Variants in IQCM observed in about 807,000 individuals in gnomAD.
IQCM encodes IQ motif containing M.
IQCM carries 45 observed loss-of-function variants against 57.6 expected under a neutral mutation model. That is an observed-to-expected ratio of 0.78 (90% confidence interval 0.62 to 1.00). The LOEUF (loss-of-function observed/expected upper bound fraction) is 1.00, where lower values mean the gene tolerates loss of function less well. Ranked by LOEUF, IQCM falls within the 50% of genes least tolerant of loss-of-function variation. The pLI is 0.00. For synonymous variants in IQCM, 148 were observed against 158.9 expected (o/e 0.93, Z 0.51); for missense variants, 468 against 511.6 (o/e 0.91, Z 0.82).
At chr4:149,735,608 G>A (rs1766863434) in intron 3 of IQCM, 150 bp from the exon 4 acceptor site, 1 of 390,768 alleles carries the variant, frequency 2.6e-6, no homozygotes, top group Non-Finnish European at 4.5e-6. Flanking sequence ...TAATGGTCAG[G>A]TGATAAGATA....
chr4:149,701,284 G>A (rs1561173993), intron 5 of IQCM, among the ~76,000 whole-genome samples: 2 of 152,036 alleles, frequency 1.3e-5, no homozygotes, highest in Middle Eastern at 3.4e-3. Flanking sequence ...ATGTGTTGGG[G>A]GGAAAACAAA....
chr4:149,635,139 A>G (rs1757612699), intron 7 of IQCM, among the ~76,000 whole-genome samples: 1 of 152,330 alleles, frequency 6.6e-6, no homozygotes, highest in East Asian at 1.9e-4. Flanking sequence ...ACAGCAAAAC[A>G]TGAATAATAC....
At chr4:149,592,966 T>C (rs1753355670) in intron 8 of IQCM, among the ~76,000 whole-genome samples, 2 of 152,196 alleles carry the variant, frequency 1.3e-5, no homozygotes, top group Admixed American at 6.5e-5. Flanking sequence ...ATATGAACTT[T>C]AAAATAGTTT....
chr4:149,784,011 A>T (rs1580289525), intron 2 of IQCM, among the ~76,000 whole-genome samples: 2 of 152,202 alleles, frequency 1.3e-5, no homozygotes, highest in South Asian at 4.1e-4. Flanking sequence ...GCCTTTTAAG[A>T]CTTCAAAGCA....
At chr4:149,437,605 T>C (rs758939219) in intron 12 of IQCM, among the ~76,000 whole-genome samples, 19 of 152,068 alleles carry the variant, frequency 1.2e-4, no homozygotes, top group Non-Finnish European at 2.2e-4. Flanking sequence ...TGCTGTGTTA[T>C]TGAGAGCTTG....
intron 13 of IQCM, among the ~76,000 whole-genome samples, chr4:149,409,194 T>C (rs186227132): frequency 6.3e-4 from 96 of 152,278 alleles, no homozygotes; most frequent in Admixed American, 5.3e-3. Context: ...TTACTGAAGA[T>C]GCACAAAAGG....
intron 12 of IQCM, among the ~76,000 whole-genome samples, chr4:149,484,578 CA>C (rs959659658): frequency 1.3e-5 from 2 of 151,326 alleles, no homozygotes; most frequent in Non-Finnish European, 3.0e-5. Flanking sequence ...AACAAACATG[CA>C]AAAAAAATTA....
At chr4:149,698,632 G>T (rs1763522177) in intron 5 of IQCM, among the ~76,000 whole-genome samples, 1 of 152,042 alleles carries the variant, frequency 6.6e-6, no homozygotes, top group South Asian at 2.1e-4. Context: ...GTAATGAAAA[G>T]TAAGATGAAG....
At chr4:149,759,581 T>C (rs1363402943) in intron 2 of IQCM, among the ~76,000 whole-genome samples, 1 of 152,188 alleles carries the variant, frequency 6.6e-6, no homozygotes, top group Non-Finnish European at 1.5e-5. Flanking sequence ...CAAGTGAATT[T>C]AGGCAATATA....
chr4:149,593,336 C>T (rs1224280030), intron 8 of IQCM, among the ~76,000 whole-genome samples: 3 of 151,904 alleles, frequency 2.0e-5, no homozygotes, highest in Non-Finnish European at 1.5e-5. Flanking sequence ...AAGTTGCCTA[C>T]CAGCTTAAGG....
At chr4:149,496,071 GA>G (rs1264620207) in intron 12 of IQCM, among the ~76,000 whole-genome samples, 2 of 152,106 alleles carry the variant, frequency 1.3e-5, no homozygotes, top group East Asian at 3.9e-4. Flanking sequence ...TTTGTACGGG[GA>G]AGTGGGCATC....
At chr4:149,604,898 C>G (rs1275421732) in intron 8 of IQCM, among the ~76,000 whole-genome samples, 2 of 152,166 alleles carry the variant, frequency 1.3e-5, no homozygotes, top group African/African-American at 4.8e-5. Context: ...TTCCCCAGGG[C>G]AGGCACAGTC....
intron 9 of IQCM, among the ~76,000 whole-genome samples, chr4:149,585,582 TTCTC>T (rs1339665407): frequency 6.6e-6 from 1 of 151,654 alleles, no homozygotes; most frequent in African/African-American, 2.4e-5. Flanking sequence ...TCTTTCATAT[TTCTC>T]TCTCTCTTTG....
intron 12 of IQCM, among the ~76,000 whole-genome samples, chr4:149,489,329 T>C (rs1182198105): frequency 2.0e-5 from 3 of 152,214 alleles, no homozygotes; most frequent in African/African-American, 7.2e-5. Context: ...TTTTAATGCA[T>C]TCTGATTCCT....
intron 13 of IQCM, among the ~76,000 whole-genome samples, chr4:149,412,030 G>C (rs538984125): frequency 1.1e-4 from 17 of 151,640 alleles, no homozygotes; most frequent in African/African-American, 3.9e-4. Context: ...ATCTTTACAC[G>C]TATTTCTTAA....
intron 11 of IQCM, among the ~76,000 whole-genome samples, chr4:149,551,190 C>T (rs939122331): frequency 6.6e-6 from 1 of 152,162 alleles, no homozygotes; most frequent in Non-Finnish European, 1.5e-5. Flanking sequence ...CTGGCTTTCT[C>T]CAAGACTAGC....
In IQCM at chr4:149,455,504, G is replaced by C. The variant is rs572859113; in HGVS notation, c.1229-21947C>G. On this transcript the variant is annotated intron_variant, in intron 12 of 13. Transcript: ENST00000636793. ...AAACCCCATGAAGACATGAGGACAT[G>C]AAGACATGTCCCTTTTACAACTCCC... Among the ~76,000 whole-genome samples, 8 of 152,184 alleles carry C rather than the reference G, an allele frequency of 5.3e-5. No homozygotes were observed. The South Asian group carries it at 1.7e-3, about 32-fold the overall frequency.
intron 5 of IQCM, among the ~76,000 whole-genome samples, chr4:149,699,720 A>G (rs1048691016): frequency 6.7e-6 from 1 of 150,060 alleles, no homozygotes; most frequent in South Asian, 2.1e-4. Context: ...AAAAAAAAAA[A>G]AGCCATGGAA....
intron 8 of IQCM, among the ~76,000 whole-genome samples, chr4:149,616,238 T>C (rs1023670927): frequency 3.9e-5 from 6 of 152,092 alleles, no homozygotes; most frequent in Non-Finnish European, 7.4e-5. Flanking sequence ...AAATGTAGTA[T>C]ATACATACAA....
Sources: gnomAD v4.1 joint callset for allele counts (sites outside exome capture counted in the v4.1 genomes callset) on GRCh38, gnomAD v4.1.1 for gene constraint, MANE v1.5 for transcripts, NCBI Gene and HGNC (gene_info 2026-07-23, HGNC 2026-07-21) for gene names.